The following SOX5 variants were observed in gnomAD, a reference collection of about 807,000 sequenced individuals.
SOX5 encodes the protein SRY-box transcription factor 5, also known as transcription factor SOX-5.
Under a neutral mutation model 92.0 loss-of-function variants are expected in SOX5, and 9 were observed. That is an observed-to-expected ratio of 0.10 (90% CI 0.06 to 0.17). The LOEUF (loss-of-function observed/expected upper bound fraction) is 0.17. Among genes scored for constraint, SOX5 ranks in the 10% least tolerant of loss-of-function variants. SOX5 has a pLI of 1.00. For missense variants in SOX5, 642 were observed against 944.5 expected (o/e 0.68, Z 4.20); for synonymous variants, 344 against 336.3 (o/e 1.02, Z -0.25).
At chr12:23,948,094 G>C (rs1352304345) in intron 1 of SOX5, among the ~76,000 whole-genome samples, 1 of 151,652 alleles carries the variant, frequency 6.6e-6, no homozygotes, top group African/African-American at 2.4e-5. Context: ...ATGATATAAG[G>C]CTATATTTGC....
intron 2 of SOX5, among the ~76,000 whole-genome samples, chr12:24,337,906 A>G (rs540524927): frequency 7.2e-5 from 11 of 152,212 alleles, no homozygotes; most frequent in African/African-American, 2.6e-4. Context: ...AACTTTCTAG[A>G]ATCATGGAAT....
intron 5 of SOX5, among the ~76,000 whole-genome samples, chr12:23,737,567 C>T (rs1593857101): frequency 1.3e-5 from 2 of 152,068 alleles, no homozygotes; most frequent in East Asian, 3.9e-4. Context: ...TATGTATAGT[C>T]ATGCTAGTCA....
intron 1 of SOX5, among the ~76,000 whole-genome samples, chr12:24,560,892 G>A (rs773167014): frequency 6.6e-6 from 1 of 152,088 alleles, no homozygotes; most frequent in Admixed American, 6.5e-5. Flanking sequence ...TACTTCATTG[G>A]CCTGTTTGTG....
At chr12:23,608,724 T>C (rs1431702715) in intron 8 of SOX5, among the ~76,000 whole-genome samples, 2 of 152,162 alleles carry the variant, frequency 1.3e-5, no homozygotes, top group African/African-American at 2.4e-5. Context: ...ATTGACCTTA[T>C]AAAGGTACTG....
intron 3 of SOX5, among the ~76,000 whole-genome samples, chr12:24,221,508 G>A (rs7962093): frequency 2.6e-5 from 4 of 152,130 alleles, no homozygotes; most frequent in African/African-American, 9.7e-5. Flanking sequence ...CAAATCTACT[G>A]GCCTCTTTCA....
chr12:23,703,328 G>A (rs1180792797), intron 6 of SOX5, among the ~76,000 whole-genome samples: 2 of 151,982 alleles, frequency 1.3e-5, no homozygotes, highest in African/African-American at 4.8e-5. Context: ...TGCTCCCTGA[G>A]CTAGAATCTG....
At chr12:23,609,526 A>C (rs2075694371) in intron 8 of SOX5, among the ~76,000 whole-genome samples, 1 of 151,982 alleles carries the variant, frequency 6.6e-6, no homozygotes, top group Admixed American at 6.5e-5. Context: ...TAACTGGGGA[A>C]AAGAAAAGAC....
chr12:23,779,955 CTGTGTGTGTGTGTGTGTGTGTGTG>C (rs10686652), intron 3 of SOX5, among the ~76,000 whole-genome samples: 161 of 136,566 alleles, frequency 1.2e-3, no homozygotes, highest in Non-Finnish European at 1.2e-3. Context: ...CACAGCGAGA[CTGTGTGTGTGTGTGTGTGTGTGTG>C]TGTGTGTGTG....
intron 8 of SOX5, among the ~76,000 whole-genome samples, chr12:23,631,523 T>G (rs147216679): frequency 5.3e-5 from 8 of 152,226 alleles, no homozygotes; most frequent in African/African-American, 1.9e-4. Flanking sequence ...ACTGCTGGTC[T>G]TGGGACAGCA....
chr12:24,070,803 A>G (rs1021977639), intron 4 of SOX5, among the ~76,000 whole-genome samples: 1 of 152,208 alleles, frequency 6.6e-6, no homozygotes, highest in African/African-American at 2.4e-5. Context: ...CCGTTTATGT[A>G]ATCATCCTCG....
At chr12:23,573,585 C>T (rs186987781) in intron 10 of SOX5, among the ~76,000 whole-genome samples, 1 of 152,232 alleles carries the variant, frequency 6.6e-6, no homozygotes, top group Non-Finnish European at 1.5e-5. Flanking sequence ...AGTTTTGCAT[C>T]TAAAAAAAGT....
intron 2 of SOX5, among the ~76,000 whole-genome samples, chr12:23,859,841 G>T (rs1304682967): frequency 6.6e-6 from 1 of 152,078 alleles, no homozygotes; most frequent in Admixed American, 6.6e-5. Context: ...AACCTACATT[G>T]AAATATTGGG....
chr12:24,418,951 A>G (rs749608616), intron 1 of SOX5, among the ~76,000 whole-genome samples: 7 of 152,172 alleles, frequency 4.6e-5, no homozygotes, highest in Non-Finnish European at 1.0e-4. Context: ...CTCTGAAAAA[A>G]TGGAGTAGTT....
intron 2 of SOX5, among the ~76,000 whole-genome samples, chr12:24,291,241 C>T (rs897543435): frequency 1.3e-5 from 2 of 152,080 alleles, no homozygotes; most frequent in African/African-American, 2.4e-5. Flanking sequence ...ATAAATCACT[C>T]GGAAATTTAA....
intron 1 of SOX5, among the ~76,000 whole-genome samples, chr12:24,383,389 G>A (rs931171278): frequency 6.6e-6 from 1 of 152,190 alleles, no homozygotes; most frequent in Non-Finnish European, 1.5e-5. Flanking sequence ...CACATATGTA[G>A]TTACATGGGT....
chr12:24,410,692 C>T (rs1001882123), intron 1 of SOX5, among the ~76,000 whole-genome samples: 2 of 152,164 alleles, frequency 1.3e-5, no homozygotes, highest in African/African-American at 2.4e-5. Flanking sequence ...CTGCAAATAT[C>T]ACAGAGTGTT....
At chr12:24,531,362 C>G (rs1466309873) in intron 1 of SOX5, among the ~76,000 whole-genome samples, 1 of 152,074 alleles carries the variant, frequency 6.6e-6, no homozygotes, top group Non-Finnish European at 1.5e-5. Context: ...TTGAAAGACC[C>G]TGTGCATTTT....
intron 1 of SOX5, among the ~76,000 whole-genome samples, chr12:24,470,164 C>T (rs1215017294): frequency 6.6e-6 from 1 of 152,138 alleles, no homozygotes; most frequent in South Asian, 2.1e-4. Flanking sequence ...ACCCTGAGTG[C>T]CATTTATTAC....
chr12:24,054,607 T>C (rs1361054117), intron 4 of SOX5, among the ~76,000 whole-genome samples: 5 of 152,240 alleles, frequency 3.3e-5, no homozygotes, highest in African/African-American at 9.6e-5. Context: ...TTGCTCTGTC[T>C]GTGCCAACTC....
Sources: gnomAD v4.1 joint callset for allele counts (sites outside exome capture counted in the v4.1 genomes callset) on GRCh38, gnomAD v4.1.1 for gene constraint, MANE v1.5 for transcripts, NCBI Gene and HGNC (gene_info 2026-07-23, HGNC 2026-07-21) for gene names.